The following SLC16A9 variants were observed in gnomAD, a reference collection of about 807,000 sequenced individuals.
The protein encoded by SLC16A9 is monocarboxylate transporter 9.
A neutral mutation model predicts 44.3 loss-of-function variants in SLC16A9; 26 were observed. That is an observed-to-expected ratio of 0.59 (90% CI 0.43 to 0.81). SLC16A9 has a LOEUF of 0.81. SLC16A9 is among the 40% of genes least tolerant of loss of function. The probability of loss-of-function intolerance (pLI) is 0.00; values close to 1 mark genes in which losing one functional copy is unlikely to be tolerated. For synonymous variants in SLC16A9, 230 were observed against 225.1 expected, an observed-to-expected ratio of 1.02 and a Z score of -0.19; for missense variants, 559 against 595.8, an observed-to-expected ratio of 0.94 and a Z score of 0.64.
chr10:59,681,920 CA>C lies in SLC16A9; in HGVS notation c.196+2175del, dbSNP rs1840035260. 2.7e-5 allele frequency among the ~76,000 whole-genome samples: 3 copies of C among 110,752 alleles called. No individual in the cohort carries two copies. In the South Asian group the frequency reaches 1.2e-3, roughly 42 times the overall value. The allele number at this position is 110,752 out of a possible 152,430, so 72.7% of individuals were successfully genotyped here. On this transcript the variant is annotated intron_variant, in intron 2 of 5. Transcript: ENST00000395348. Reference sequence around the variant, plus strand: ...CAGGCGTAAGTTGTAGCTATTTAGCCATCCTTTTTTTTTCCCCACCACTTTT... The same window carrying C: ...CAGGCGTAAGTTGTAGCTATTTAGCCTCCTTTTTTTTTCCCCACCACTTTT...
At chr10:59,693,729 C>T (rs943366921) in intron 1 of SLC16A9, among the ~76,000 whole-genome samples, 3 of 151,118 alleles carry the variant, frequency 2.0e-5, no homozygotes, top group South Asian at 2.1e-4. Context: ...ACGTCATTCT[C>T]CTGCCGCAGC....
intron 1 of SLC16A9, among the ~76,000 whole-genome samples, chr10:59,689,863 T>A (rs146278528): frequency 0.013 from 1,949 of 152,334 alleles, 102 homozygotes; most frequent in Admixed American, 0.11. Context: ...GTGCCATATC[T>A]ATTTTTATGA....
intron 1 of SLC16A9, among the ~76,000 whole-genome samples, chr10:59,700,538 T>C (rs142045767): frequency 6.6e-6 from 1 of 152,224 alleles, no homozygotes; most frequent in African/African-American, 2.4e-5. Flanking sequence ...AGCATGTTTC[T>C]AGTAACCATC....
In SLC16A9 at chr10:59,683,852, G is replaced by A. The variant is rs573092830; in HGVS notation, c.196+244C>T. On this transcript the variant is annotated intron_variant, in intron 2 of 5. Coordinates refer to ENST00000395348, the MANE Select transcript of SLC16A9 (RefSeq NM_194298.3). ...ATTTCCAGCATCTAGTTCAATGCCC[G>A]GCACATCGTAGAAAATAAATGAATA... Among the ~76,000 whole-genome samples, 22 of 152,138 alleles carry A rather than the reference G, an allele frequency of 1.4e-4. 1 individual carries two copies. Among genetic ancestry groups the A allele is most frequent in the South Asian group, 1.2e-3 (6 of 4,814 alleles).
Position 59,705,794 on chromosome 10 carries a change from T to C in SLC16A9, c.-37+3685A>G, listed in dbSNP as rs1012500056. 4.6e-5 allele frequency among the ~76,000 whole-genome samples: 7 copies of C among 152,324 alleles called. No individual in the cohort carries two copies. The South Asian group carries it at 1.0e-3, about 23-fold the overall frequency. On this transcript the variant is annotated intron_variant, in intron 1 of 5. Coordinates refer to ENST00000395348, the MANE Select transcript of SLC16A9 (RefSeq NM_194298.3). Reference sequence around the variant, plus strand: ...ACTACTTATTTTAGAAGGAAACTCATAAAACTGAAATTAAAGGCAAAAAGT... The same window carrying C: ...ACTACTTATTTTAGAAGGAAACTCACAAAACTGAAATTAAAGGCAAAAAGT...
At chr10:59,694,841 T>TAC (rs1209748057) in intron 1 of SLC16A9, among the ~76,000 whole-genome samples, 2 of 134,892 alleles carry the variant, frequency 1.5e-5, no homozygotes, top group African/African-American at 2.8e-5. Context: ...CACATATATA[T>TAC]ACACTAAATA....
At chr10:59,705,930 T>TC (rs1033713168) in intron 1 of SLC16A9, among the ~76,000 whole-genome samples, 1 of 152,198 alleles carries the variant, frequency 6.6e-6, no homozygotes, top group Admixed American at 6.5e-5. Flanking sequence ...CCATCCCACC[T>TC]CCCAGCCTTA....
intron 2 of SLC16A9, among the ~76,000 whole-genome samples, chr10:59,680,387 A>G (rs1182105680): frequency 6.6e-6 from 1 of 152,190 alleles, no homozygotes; most frequent in Non-Finnish European, 1.5e-5. Context: ...TCACATGCTT[A>G]GGCACAATCT....
chr10:59,678,516 T>C (rs1202630091), intron 2 of SLC16A9, among the ~76,000 whole-genome samples: 4 of 78,588 alleles, frequency 5.1e-5, no homozygotes, highest in African/African-American at 7.6e-5. Context: ...TCTTTATTCC[T>C]ACCAATCTTT....
chr10:59,653,201 C>T (rs897141093), intron 5 of SLC16A9, among the ~76,000 whole-genome samples: 1 of 151,488 alleles, frequency 6.6e-6, no homozygotes, highest in Non-Finnish European at 1.5e-5. Context: ...GGGCGGATCA[C>T]GAGGTCAGGA....
At chr10:59,697,275 T>C (rs1191574090) in intron 1 of SLC16A9, among the ~76,000 whole-genome samples, 1 of 150,662 alleles carries the variant, frequency 6.6e-6, no homozygotes, top group Non-Finnish European at 1.5e-5. Context: ...ACAATGGCGG[T>C]TTTGTGGAAT....
At chr10:59,684,413 G>GAAA in intron 1 of SLC16A9, 86 bp from the exon 2 acceptor site, 1 of 405,208 alleles carries the variant, frequency 2.5e-6, no homozygotes, top group Non-Finnish European at 4.0e-6. Flanking sequence ...CTCCTAAAGT[G>GAAA]AAAAAAAAAA....
chr10:59,662,979 A>C (rs1009584037), intron 4 of SLC16A9, among the ~76,000 whole-genome samples: 1 of 152,226 alleles, frequency 6.6e-6, no homozygotes, highest in East Asian at 1.9e-4. Flanking sequence ...ACACATGCAC[A>C]TGTATGTTTA....
At chr10:59,662,644 A>AAAAAAAAAAAAAAAAAG (rs1839506082) in intron 4 of SLC16A9, among the ~76,000 whole-genome samples, 3 of 144,282 alleles carry the variant, frequency 2.1e-5, no homozygotes, top group African/African-American at 8.3e-5. Flanking sequence ...AAAAAAAAAA[A>AAAAAAAAAAAAAAAAAG]AAAAAAAAAG....
At chr10:59,708,127 G>T (rs543920405) in intron 1 of SLC16A9, among the ~76,000 whole-genome samples, 2 of 152,302 alleles carry the variant, frequency 1.3e-5, no homozygotes, top group African/African-American at 4.8e-5. Flanking sequence ...CTACTTGCGA[G>T]GACTTTTTTT....
At chr10:59,691,984 C>T (rs1388570632) in intron 1 of SLC16A9, among the ~76,000 whole-genome samples, 1 of 152,184 alleles carries the variant, frequency 6.6e-6, no homozygotes, top group African/African-American at 2.4e-5. Flanking sequence ...TGCCTTTGCT[C>T]CCTTCCCCAA....
chr10:59,665,660 C>A (rs1340935832), intron 3 of SLC16A9, among the ~76,000 whole-genome samples: 1 of 152,120 alleles, frequency 6.6e-6, no homozygotes, highest in Admixed American at 6.5e-5. Context: ...CTGTTTCTAA[C>A]CAATCAATTT....
In SLC16A9 at chr10:59,654,422, T is replaced by C. The variant is rs548227657; in HGVS notation, c.604A>G (p.Ile202Val). 2 of 1,613,284 alleles carry C rather than the reference T, an allele frequency of 1.2e-6. No homozygotes were observed. Among genetic ancestry groups the C allele is most frequent in the Admixed American group, 3.3e-5 (2 of 60,012 alleles). ...QSSDCPLPKK[I>V]APEDLPDKYS... ...TTATCTGGTAGATCTTCTGGAGCTA[T>C]TTTTTTAGGCAAAGGACAATCAGAA... Residue 202 changes from isoleucine to valine, a missense_variant, in exon 5 of 6, where the codon ATA (isoleucine) becomes GTA (valine). By Grantham distance (29) the Ile-to-Val change is conservative. Coordinates refer to ENST00000395348, the MANE Select transcript of SLC16A9 (RefSeq NM_194298.3).
At chr10:59,693,968 C>T (rs1338115144) in intron 1 of SLC16A9, among the ~76,000 whole-genome samples, 2 of 150,756 alleles carry the variant, frequency 1.3e-5, no homozygotes, top group East Asian at 1.9e-4. Flanking sequence ...GATGGAGTCT[C>T]GCTCTGTCGC....
Sources: allele counts gnomAD v4.1 joint callset (sites outside exome capture counted in the v4.1 genomes callset), GRCh38; gene constraint gnomAD v4.1.1; transcripts MANE v1.5; gene names NCBI Gene and HGNC (gene_info 2026-07-23, HGNC 2026-07-21).